Variants in FBXO31 observed in about 807,000 individuals in gnomAD.
FBXO31 encodes the protein F-box only protein 31.
In FBXO31, 24 loss-of-function variants were observed where a neutral mutation model predicts 54.4. The ratio of observed to expected loss-of-function variants is 0.44; its 90% CI spans 0.32 to 0.62. The LOEUF is 0.62. Among genes scored for constraint, FBXO31 ranks in the 20% least tolerant of loss-of-function variants. FBXO31 has a pLI of 0.05. For synonymous variants in FBXO31, 388 were observed against 335.6 expected (o/e 1.16, Z -1.71); for missense variants, 665 against 787.1 (o/e 0.84, Z 1.86).
intron 1 of FBXO31, among the ~76,000 whole-genome samples, chr16:87,374,126 C>T (rs190136222): frequency 6.6e-6 from 1 of 152,084 alleles, no homozygotes; most frequent in Non-Finnish European, 1.5e-5. Flanking sequence ...CCTACAGTCC[C>T]AACTACTTGA....
At chr16:87,357,636 G>T (rs1377132391) in intron 2 of FBXO31, among the ~76,000 whole-genome samples, 6 of 151,962 alleles carry the variant, frequency 3.9e-5, no homozygotes, top group African/African-American at 9.7e-5. Context: ...CCAAAAAGAA[G>T]AATTAAGTTC....
At chr16:87,347,318 C>G in intron 2 of FBXO31, 68 bp from the exon 3 acceptor site, 2 of 1,362,556 alleles carry the variant, frequency 1.5e-6, no homozygotes, top group Non-Finnish European at 1.1e-6. Flanking sequence ...CCAGGAACCC[C>G]GAGAGGGAGG....
At chr16:87,349,282 A>G (rs562776275) in intron 2 of FBXO31, among the ~76,000 whole-genome samples, 109 of 152,252 alleles carry the variant, frequency 7.2e-4, no homozygotes, top group Non-Finnish European at 1.3e-3. Flanking sequence ...TACAGCAATC[A>G]AAACAAGAAC....
At position 87,383,541 on chromosome 16, in the gene FBXO31, C is replaced by T. The variant is rs1907180953; in HGVS notation, c.204G>A (p.Leu68=). The part of the protein sequence containing the change: ...PSPPPPRCSL[L]ELPPELLVEI... ...CCACCAGCAGCTCGGGCGGCAGCTC[C>T]AGCAGCGAGCAGCGCGGGGGCGGCG... is the stretch of plus-strand genomic sequence containing the variant. The change falls in exon 1 of 9, where the codon CTG becomes CTA. Residue 68 remains leucine (L), a synonymous_variant. Coordinates refer to ENST00000311635, the MANE Select transcript of FBXO31 (RefSeq NM_024735.5). The surrounding 1 kb of genome is among the most constrained non-coding windows in gnomAD (Gnocchi z 4.9). The T allele has an allele frequency of 1.3e-6, 2 of 1,567,062 alleles. No individual in the cohort carries two copies. The highest frequency in any genetic ancestry group is 1.7e-6 in the Non-Finnish European group (2 of 1,162,258).
intron 1 of FBXO31, among the ~76,000 whole-genome samples, chr16:87,389,217 C>A (rs1390898110): frequency 6.6e-6 from 1 of 152,062 alleles, no homozygotes; most frequent in African/African-American, 2.4e-5. Context: ...AACCTATGAG[C>A]CATCTTTAAA....
At chr16:87,374,316 C>T (rs181845093) in intron 1 of FBXO31, among the ~76,000 whole-genome samples, 44 of 151,996 alleles carry the variant, frequency 2.9e-4, no homozygotes, top group African/African-American at 9.4e-4. Flanking sequence ...CCCTAACCTA[C>T]GGAACATCAC....
At chr16:87,364,146 T>C (rs1051975746) in intron 1 of FBXO31, among the ~76,000 whole-genome samples, 5 of 152,202 alleles carry the variant, frequency 3.3e-5, no homozygotes, top group African/African-American at 7.2e-5. Flanking sequence ...AGTCCAGATA[T>C]TTCTGTCAAG....
chr16:87,351,280 G>C (rs1403123902), intron 2 of FBXO31, among the ~76,000 whole-genome samples: 1 of 152,178 alleles, frequency 6.6e-6, no homozygotes, highest in East Asian at 1.9e-4. Context: ...GAGCAGAGCT[G>C]GACACGTACG....
At position 87,345,882 on chromosome 16, in the gene FBXO31, C is replaced by A. The variant is rs1287016823; in HGVS notation, c.489+1292G>T. 6.6e-6 allele frequency among the ~76,000 whole-genome samples: 1 copy of A among 152,196 alleles called. No individual in the cohort carries two copies. The highest frequency in any genetic ancestry group is 1.5e-5 in the Non-Finnish European group (1 of 68,040). On this transcript the variant is annotated intron_variant, in intron 3 of 8. Coordinates refer to ENST00000311635, the MANE Select transcript of FBXO31 (RefSeq NM_024735.5). The surrounding 1 kb of genome is among the most constrained non-coding windows in gnomAD (Gnocchi z 4.9). ...GGCACACACGGAGACCAGGTCTACA[C>A]AGGAGCCAGGACTACCGCCGCCAAA...
chr16:87,350,795 G>C (rs1362411574), intron 2 of FBXO31, among the ~76,000 whole-genome samples: 1 of 151,634 alleles, frequency 6.6e-6, no homozygotes, highest in African/African-American at 2.4e-5. Context: ...TTAAGTGCTA[G>C]GAACACTGCC....
In FBXO31 at chr16:87,383,371, G is replaced by GCCCCCCCCCC; in HGVS notation, c.340+33_340+34insGGGGGGGGGG. 1.3e-6 allele frequency: 1 copy of GCCCCCCCCCC among 793,300 alleles called. No individual in the cohort carries two copies. The highest frequency in any genetic ancestry group is 2.0e-5 in the African/African-American group (1 of 50,058). The allele number at this position is 793,300 out of a possible 1,614,324, so 49.1% of individuals were successfully genotyped here. ...GGCCTCCACCTGGCAGGGACCCCCC[G>GCCCCCCCCCC]CCCCTCCCGGCCCCGCCACCCCCGC... On this transcript the variant is annotated intron_variant, in intron 1 of 8. Coordinates refer to ENST00000311635, the MANE Select transcript of FBXO31 (RefSeq NM_024735.5). The surrounding 1 kb of genome is among the most constrained non-coding windows in gnomAD (Gnocchi z 4.9).
intron 1 of FBXO31, among the ~76,000 whole-genome samples, chr16:87,368,648 A>G (rs1037569661): frequency 2.7e-5 from 3 of 110,148 alleles, no homozygotes; most frequent in African/African-American, 1.1e-4. Context: ...TTTTGCCTTT[A>G]TAAGAGGAAG....
At chr16:87,333,296 C>G (rs1419373101) in intron 8 of FBXO31, among the ~76,000 whole-genome samples, 1 of 152,264 alleles carries the variant, frequency 6.6e-6, no homozygotes, top group Non-Finnish European at 1.5e-5. Flanking sequence ...GCAGTCGCAG[C>G]TGGTGTCCAC....
chr16:87,389,129 A>G (rs1344010267), intron 1 of FBXO31, among the ~76,000 whole-genome samples: 5 of 151,650 alleles, frequency 3.3e-5, no homozygotes, highest in African/African-American at 4.8e-5. Context: ...TTATTTGTAT[A>G]TGAATGTACA....
chr16:87,347,511 T>C (rs1423587917), intron 2 of FBXO31, among the ~76,000 whole-genome samples: 2 of 151,940 alleles, frequency 1.3e-5, no homozygotes, highest in African/African-American at 2.4e-5. Context: ...AAACCCCGTC[T>C]CTACTAAAAC....
intron 1 of FBXO31, among the ~76,000 whole-genome samples, chr16:87,366,722 C>T (rs1906382696): frequency 6.6e-6 from 1 of 152,290 alleles, no homozygotes; most frequent in African/African-American, 2.4e-5. Context: ...CCAACAGGAT[C>T]ATCCACGATG....
intron 5 of FBXO31, among the ~76,000 whole-genome samples, chr16:87,337,669 A>G (rs1404741464): frequency 6.6e-6 from 1 of 151,550 alleles, no homozygotes; most frequent in Non-Finnish European, 1.5e-5. Flanking sequence ...GCCCCTCAGG[A>G]AAGGAAGGTT....
At position 87,331,286 on chromosome 16, in the gene FBXO31, G is replaced by A. The variant is rs143929122; in HGVS notation, c.*2C>T. On this transcript the variant is annotated 3_prime_UTR_variant, in exon 9 of 9. Transcript: ENST00000311635. ...GGGATGTGGCGGCAAGGATGTGGCC[G>A]GTCAGGAGGTGAGGGACTGAATGTT... 21 of 1,612,252 alleles carry A rather than the reference G, an allele frequency of 1.3e-5. No homozygotes were observed. The highest frequency in any genetic ancestry group is 1.6e-4 in the Middle Eastern group (1 of 6,082).
chr16:87,353,571 G>A (rs920258776), intron 2 of FBXO31, among the ~76,000 whole-genome samples: 10 of 152,352 alleles, frequency 6.6e-5, no homozygotes, highest in Middle Eastern at 3.4e-3. Context: ...CAGGGGCTGC[G>A]GCAACGTGGC....
Sources: allele counts gnomAD v4.1 joint callset (sites outside exome capture counted in the v4.1 genomes callset), GRCh38; gene constraint gnomAD v4.1.1; non-coding constraint Gnocchi (gnomAD v3.1); transcripts MANE v1.5; gene names NCBI Gene and HGNC (gene_info 2026-07-23, HGNC 2026-07-21).